The following NLGN1 variants were observed in gnomAD, a reference collection of about 807,000 sequenced individuals.
NLGN1 encodes neuroligin 1, also known as neuroligin-1.
Under a neutral mutation model 65.5 loss-of-function variants are expected in NLGN1, and 12 were observed. The observed-to-expected ratio is 0.18, with a 90% CI of 0.12 to 0.30. NLGN1 has a LOEUF of 0.30. Among genes scored for constraint, NLGN1 ranks in the 10% least tolerant of loss-of-function variants. The probability of loss-of-function intolerance (pLI) is 1.00; values close to 1 mark genes in which losing one functional copy is unlikely to be tolerated. For missense variants in NLGN1, 750 were observed against 1,007.1 expected, an observed-to-expected ratio of 0.74 and a Z score of 3.46; for synonymous variants, 350 against 359.5, an observed-to-expected ratio of 0.97 and a Z score of 0.30.
At chr3:173,426,041 T>C (rs1326187393) in intron 1 of NLGN1, among the ~76,000 whole-genome samples, 3 of 152,184 alleles carry the variant, frequency 2.0e-5, no homozygotes. Context: ...CAGAGCTGTC[T>C]CACCTCTTTG....
At chr3:173,910,696 G>A (rs1234950691) in intron 4 of NLGN1, 1 of 152,138 alleles carries the variant, frequency 6.6e-6, no homozygotes, top group Non-Finnish European at 1.5e-5. Context: ...GCAAATGTGT[G>A]CTTCCTTGAG....
chr3:173,554,552 A>G (rs541705827), intron 2 of NLGN1, among the ~76,000 whole-genome samples: 1 of 152,350 alleles, frequency 6.6e-6, no homozygotes, highest in South Asian at 2.1e-4. Flanking sequence ...CTAGAACTTC[A>G]GTAGAAATGA....
chr3:173,609,981 A>AAG lies in NLGN1; in HGVS notation c.493+4900_493+4901dup, dbSNP rs555424947. On this transcript the variant is annotated intron_variant, in intron 3 of 6. Coordinates refer to ENST00000457714, the Ensembl canonical transcript of NLGN1. ...ATATAGCAGATCTGGAAAGGGGGAA[A>AAG]AGAGAGAGAGACAGAATAATCTGAC... Among the ~76,000 whole-genome samples, 235 of 151,992 alleles carry AAG rather than the reference A, an allele frequency of 1.5e-3. 2 individuals are homozygous for AAG. The highest frequency in any genetic ancestry group is 2.4e-4 in the Non-Finnish European group (16 of 67,876).
At chr3:173,714,336 A>G (rs1168972562) in intron 3 of NLGN1, among the ~76,000 whole-genome samples, 1 of 152,020 alleles carries the variant, frequency 6.6e-6, no homozygotes, top group Non-Finnish European at 1.5e-5. Flanking sequence ...AAGTCTTTGG[A>G]GGGTTAATTG....
chr3:174,200,912 G>C (rs1734328237), intron 4 of NLGN1, among the ~76,000 whole-genome samples: 2 of 152,078 alleles, frequency 1.3e-5, no homozygotes, highest in South Asian at 2.1e-4. Flanking sequence ...AGTGTCCACA[G>C]ACTATACAAG....
rs1718613017 is a variant in NLGN1 at position 173,814,426 on chromosome 3, C to T, written c.646+6594C>T. Among the ~76,000 whole-genome samples, 4 of 152,140 alleles carry T rather than the reference C, an allele frequency of 2.6e-5. No homozygotes were observed. The South Asian group carries it at 8.3e-4, about 32-fold the overall frequency. On this transcript the variant is annotated intron_variant, in intron 4 of 6. Coordinates refer to ENST00000457714, the Ensembl canonical transcript of NLGN1. ...CTCCTGGAATAGAGAAACTATTTGTCCTGTGGCGACAGGTGCAGGGGACAA... is the reference window on the plus strand; with the variant it reads ...CTCCTGGAATAGAGAAACTATTTGTTCTGTGGCGACAGGTGCAGGGGACAA...
intron 4 of NLGN1, among the ~76,000 whole-genome samples, chr3:174,065,952 C>T (rs1430837408): frequency 6.6e-6 from 1 of 152,110 alleles, no homozygotes; most frequent in African/African-American, 2.4e-5. Flanking sequence ...CCAGAAGATC[C>T]AGCTAAGCAG....
intron 4 of NLGN1, 98 bp from the exon 5 acceptor site, chr3:174,275,216 TC>T (rs375692947): frequency 1.2e-6 from 1 of 845,714 alleles, no homozygotes; most frequent in African/African-American, 1.7e-5. Context: ...ACTTGGACTG[TC>T]CCTACCTTGA....
intron 4 of NLGN1, among the ~76,000 whole-genome samples, chr3:173,845,565 T>G (rs1725576661): frequency 6.6e-6 from 1 of 151,884 alleles, no homozygotes; most frequent in African/African-American, 2.4e-5. Flanking sequence ...GATAGATAGA[T>G]AGGTAGATGG....
At chr3:173,616,760 A>G (rs1022737533) in intron 3 of NLGN1, among the ~76,000 whole-genome samples, 11 of 152,150 alleles carry the variant, frequency 7.2e-5, no homozygotes, top group Non-Finnish European at 1.6e-4. Flanking sequence ...GCCTCTTAAC[A>G]GTTCTTCCTA....
At chr3:174,078,901 A>G (rs1218350217) in intron 4 of NLGN1, among the ~76,000 whole-genome samples, 1 of 152,160 alleles carries the variant, frequency 6.6e-6, no homozygotes, top group Non-Finnish European at 1.5e-5. Context: ...CAAATCAACA[A>G]ATCTAAAGAA....
At chr3:173,954,218 C>T (rs1748749977) in intron 4 of NLGN1, among the ~76,000 whole-genome samples, 1 of 152,060 alleles carries the variant, frequency 6.6e-6, no homozygotes, top group Non-Finnish European at 1.5e-5. Context: ...TCAGAAATAG[C>T]AATCAAGCCT....
intron 4 of NLGN1, among the ~76,000 whole-genome samples, chr3:174,187,269 T>C (rs1336498014): frequency 2.6e-5 from 4 of 151,970 alleles, no homozygotes; most frequent in Non-Finnish European, 5.9e-5. Context: ...GACCCCCATA[T>C]TAGGAGTTAC....
At chr3:173,499,195 A>G (rs1298634744) in intron 2 of NLGN1, among the ~76,000 whole-genome samples, 1 of 151,822 alleles carries the variant, frequency 6.6e-6, no homozygotes, top group Non-Finnish European at 1.5e-5. Flanking sequence ...TAGGTCTAAC[A>G]TTTAAGCCTT....
At chr3:173,430,999 A>G (rs1015935525) in intron 1 of NLGN1, among the ~76,000 whole-genome samples, 10 of 152,208 alleles carry the variant, frequency 6.6e-5, no homozygotes, top group African/African-American at 2.4e-4. Context: ...TCCCCTTTGT[A>G]ATATATCATA....
intron 4 of NLGN1, among the ~76,000 whole-genome samples, chr3:174,082,110 A>C (rs1222713431): frequency 1.3e-5 from 2 of 152,206 alleles, no homozygotes; most frequent in African/African-American, 4.8e-5. Flanking sequence ...TAAGAAACTG[A>C]TTTCATTATT....
At chr3:173,414,882 A>G (rs1031427809) in intron 1 of NLGN1, among the ~76,000 whole-genome samples, 2 of 152,200 alleles carry the variant, frequency 1.3e-5, no homozygotes, top group Non-Finnish European at 2.9e-5. Flanking sequence ...AAGCATCCTG[A>G]GACAGAGCAG....
intron 4 of NLGN1, among the ~76,000 whole-genome samples, chr3:174,233,400 C>T (rs558651957): frequency 9.9e-5 from 15 of 151,814 alleles, no homozygotes; most frequent in Admixed American, 2.0e-4. Flanking sequence ...GCGGGAGAAT[C>T]GCTTGAACCC....
intron 3 of NLGN1, among the ~76,000 whole-genome samples, chr3:173,687,602 A>T (rs1764864447): frequency 6.6e-6 from 1 of 152,208 alleles, no homozygotes; most frequent in African/African-American, 2.4e-5. Context: ...GGGAGAATTT[A>T]TATTTATACT....
Sources: gnomAD v4.1 joint callset for allele counts (sites outside exome capture counted in the v4.1 genomes callset) on GRCh38, gnomAD v4.1.1 for gene constraint, MANE v1.5 for transcripts, NCBI Gene and HGNC (gene_info 2026-07-23, HGNC 2026-07-21) for gene names.